The following KCNQ5 variants were observed in gnomAD, a reference collection of about 807,000 sequenced individuals.
KCNQ5 encodes potassium voltage-gated channel subfamily Q member 5, also known as potassium voltage-gated channel subfamily KQT member 5.
KCNQ5 carries 30 observed loss-of-function variants against 98.2 expected under a neutral mutation model. That is an observed-to-expected ratio of 0.31 (90% CI 0.23 to 0.41). The LOEUF (loss-of-function observed/expected upper bound fraction) is 0.41, where lower values mean the gene tolerates loss of function less well. Among genes scored for constraint, KCNQ5 ranks in the 10% least tolerant of loss-of-function variants. The pLI is 1.00. For missense variants in KCNQ5, 835 were observed against 1,182.5 expected (o/e 0.71, Z 4.31); for synonymous variants, 458 against 449.4 (o/e 1.02, Z -0.24).
intron 1 of KCNQ5, among the ~76,000 whole-genome samples, chr6:72,950,748 T>G (rs1766764144): frequency 6.6e-6 from 1 of 152,208 alleles, no homozygotes; most frequent in South Asian, 2.1e-4. Flanking sequence ...CAATCTAGCA[T>G]GATCTGTCTT....
chr6:72,683,619 G>A (rs1175564431), intron 1 of KCNQ5, among the ~76,000 whole-genome samples: 5 of 151,692 alleles, frequency 3.3e-5, no homozygotes, highest in Non-Finnish European at 7.4e-5. Flanking sequence ...CACCTGCCTC[G>A]GCCTCCCAAA....
intron 1 of KCNQ5, among the ~76,000 whole-genome samples, chr6:72,916,902 A>T (rs1405234945): frequency 1.3e-5 from 2 of 152,224 alleles, no homozygotes; most frequent in East Asian, 3.8e-4. Flanking sequence ...CTTACAGGGC[A>T]GATTTGAAGG....
At chr6:72,946,706 C>T (rs1013417882) in intron 1 of KCNQ5, among the ~76,000 whole-genome samples, 14 of 152,154 alleles carry the variant, frequency 9.2e-5, no homozygotes, top group Non-Finnish European at 4.4e-5. Flanking sequence ...AGCTAGGAGA[C>T]AAGGAAATAA....
intron 1 of KCNQ5, among the ~76,000 whole-genome samples, chr6:72,796,483 A>G (rs2154478433): frequency 6.6e-6 from 1 of 152,314 alleles, no homozygotes; most frequent in Middle Eastern, 3.4e-3. Context: ...GGCCAAGGCC[A>G]AGGCCAGGGC....
At chr6:72,911,171 G>C (rs1428823298) in intron 1 of KCNQ5, among the ~76,000 whole-genome samples, 1 of 152,198 alleles carries the variant, frequency 6.6e-6, no homozygotes, top group East Asian at 1.9e-4. Flanking sequence ...AATGGAGAAA[G>C]AGTGGTGCAA....
intron 1 of KCNQ5, among the ~76,000 whole-genome samples, chr6:72,645,365 G>A (rs1765540776): frequency 6.9e-6 from 1 of 145,082 alleles, no homozygotes; most frequent in Non-Finnish European, 1.5e-5. Context: ...CAGCCTGGGT[G>A]ATACAGCAAG....
Position 73,073,785 on chromosome 6 carries a change from T to A in KCNQ5, c.617-3537T>A, listed in dbSNP as rs9446832. Among the ~76,000 whole-genome samples, 1,487 of 152,344 alleles carry A rather than the reference T, an allele frequency of 9.8e-3. 25 individuals carry two copies. The highest frequency in any genetic ancestry group is 0.034 in the African/African-American group (1,401 of 41,568). ...TTCTACCTTACACCAAAATGTGTTA[T>A]CTTCACTAAAAACAAGCTTCCTATG... On this transcript the variant is annotated intron_variant, in intron 3 of 13. Coordinates refer to ENST00000370398, the MANE Select transcript of KCNQ5 (RefSeq NM_019842.4).
chr6:72,800,969 G>T (rs977139859), intron 1 of KCNQ5, among the ~76,000 whole-genome samples: 68 of 152,070 alleles, frequency 4.5e-4, no homozygotes, highest in Non-Finnish European at 8.1e-4. Flanking sequence ...GTTCTAGTTT[G>T]ATTGCACTGT....
rs559083115 is a variant in KCNQ5 at position 73,085,857 on chromosome 6, G to A, written c.918+7970G>A. Among the ~76,000 whole-genome samples, 13 of 152,298 alleles carry A rather than the reference G, an allele frequency of 8.5e-5. No individual in the cohort carries two copies. The South Asian group carries it at 2.7e-3, about 32-fold the overall frequency. ...ACTGGGCCGAGCAAATGTATTATTG[G>A]AATGAAAAGCAAAGGAAACCACGAA... On this transcript the variant is annotated intron_variant, in intron 5 of 13. Coordinates refer to ENST00000370398, the MANE Select transcript of KCNQ5 (RefSeq NM_019842.4).
At chr6:72,828,243 G>GT (rs1239201828) in intron 1 of KCNQ5, among the ~76,000 whole-genome samples, 1 of 151,726 alleles carries the variant, frequency 6.6e-6, no homozygotes, top group African/African-American at 2.4e-5. Context: ...AATTGTAAGT[G>GT]TTTTTTTCTA....
At chr6:72,853,500 C>T (rs565462849) in intron 1 of KCNQ5, among the ~76,000 whole-genome samples, 65 of 152,206 alleles carry the variant, frequency 4.3e-4, no homozygotes, top group Non-Finnish European at 7.8e-4. Flanking sequence ...CGTGCCACTA[C>T]GCCTGGCTAA....
rs185405974 is a variant in KCNQ5, at chr6:72,720,093, T to A, written c.398+97506T>A. Among the ~76,000 whole-genome samples, 63 of 152,322 alleles carry A rather than the reference T, an allele frequency of 4.1e-4. No individual in the cohort carries two copies. In the Middle Eastern group the frequency reaches 0.014, roughly 33 times the overall value. On this transcript the variant is annotated intron_variant, in intron 1 of 13. Transcript: ENST00000370398. ...GGCAGTGCTCATCATCATGCCACCA[T>A]GTGGCCTCTGGCAGTGTCCTTTGTC...
chr6:72,797,240 A>G (rs1281892939), intron 1 of KCNQ5, among the ~76,000 whole-genome samples: 1 of 152,194 alleles, frequency 6.6e-6, no homozygotes, highest in Non-Finnish European at 1.5e-5. Context: ...AGTATAGGCC[A>G]GGTGTGATGG....
In KCNQ5 at chr6:72,658,559, G is replaced by GATATATATATAT. The variant is rs1189137122; in HGVS notation, c.398+35981_398+35992dup. Reference sequence around the variant, plus strand: ...GCCTCCCAAAGTGCTGGGATTAAAGGATATATATATATATATATATTTTTT... The same window carrying GATATATATATAT: ...GCCTCCCAAAGTGCTGGGATTAAAGGATATATATATATATATATATATATATATATATTTTTT... On this transcript the variant is annotated intron_variant, in intron 1 of 13. Coordinates refer to ENST00000370398, the MANE Select transcript of KCNQ5 (RefSeq NM_019842.4). Among the ~76,000 whole-genome samples the GATATATATATAT allele has an allele frequency of 7.6e-4, 67 of 88,416 alleles. 1 individual carries two copies. Among genetic ancestry groups the GATATATATATAT allele is most frequent in the African/African-American group, 3.8e-3 (57 of 14,880 alleles). 58.0% of individuals were successfully genotyped at this position (88,416 alleles called of 152,430 possible).
intron 1 of KCNQ5, among the ~76,000 whole-genome samples, chr6:72,881,579 G>T (rs774574872): frequency 6.6e-6 from 1 of 152,210 alleles, no homozygotes; most frequent in Non-Finnish European, 1.5e-5. Flanking sequence ...GCAGATGAAT[G>T]AGGATGTGAC....
intron 1 of KCNQ5, among the ~76,000 whole-genome samples, chr6:72,804,253 A>C (rs1774832876): frequency 6.6e-6 from 1 of 152,054 alleles, no homozygotes; most frequent in South Asian, 2.1e-4. Context: ...CTATCAAATA[A>C]TAGGTTTTAT....
At chr6:72,919,053 A>G (rs747251593) in intron 1 of KCNQ5, among the ~76,000 whole-genome samples, 1 of 152,222 alleles carries the variant, frequency 6.6e-6, no homozygotes, top group Admixed American at 6.5e-5. Context: ...TTCAGTTAGC[A>G]CATGACTTTG....
At chr6:72,849,643 C>T (rs1453776019) in intron 1 of KCNQ5, among the ~76,000 whole-genome samples, 1 of 152,114 alleles carries the variant, frequency 6.6e-6, no homozygotes, top group Admixed American at 6.6e-5. Flanking sequence ...GGCAAGCAGA[C>T]AGAAATAAAA....
At chr6:72,986,480 T>C in intron 1 of KCNQ5, 1 of 495,870 alleles carries the variant, frequency 2.0e-6, no homozygotes, top group Non-Finnish European at 3.7e-6. Context: ...ACTTTGCCAA[T>C]GTTTCTCCTA....
Sources: allele counts gnomAD v4.1 joint callset (sites outside exome capture counted in the v4.1 genomes callset), GRCh38; gene constraint gnomAD v4.1.1; transcripts MANE v1.5; gene names NCBI Gene and HGNC (gene_info 2026-07-23, HGNC 2026-07-21).